KCNJ10: variants seen among roughly 807,000 people sequenced by gnomAD.
KCNJ10 encodes ATP-sensitive inward rectifier potassium channel 10.
Under a neutral mutation model 22.2 loss-of-function variants are expected in KCNJ10, and 9 were observed. The observed-to-expected ratio is 0.40, with a 90% CI of 0.24 to 0.71. The LOEUF (loss-of-function observed/expected upper bound fraction) is 0.71, where lower values mean the gene tolerates loss of function less well. Among genes scored for constraint, KCNJ10 ranks in the 30% least tolerant of loss-of-function variants. The pLI is 0.35. For synonymous variants in KCNJ10, 184 were observed against 187.3 expected (o/e 0.98, Z 0.15); for missense variants, 337 against 482.7 (o/e 0.70, Z 2.83).
chr1:160,067,654 G>T (rs1649351564), intron 1 of KCNJ10, among the ~76,000 whole-genome samples: 1 of 152,122 alleles, frequency 6.6e-6, no homozygotes, highest in African/African-American at 2.4e-5. Flanking sequence ...GAGAGTGGAG[G>T]TTTTTTTCTT....
At chr1:160,055,243 A>G (rs1649000293) in intron 1 of KCNJ10, among the ~76,000 whole-genome samples, 1 of 152,230 alleles carries the variant, frequency 6.6e-6, no homozygotes. Flanking sequence ...TCTACAAAAC[A>G]CTTGTATAAA....
rs372774976 is a variant in KCNJ10, at chr1:160,041,396, G to C, written c.1137C>G (p.Val379=). 4.4e-5 allele frequency: 71 copies of C among 1,612,110 alleles called. No homozygotes were observed. In the East Asian group the frequency reaches 8.2e-4, roughly 19 times the overall value. ...GSALSVRISN[V] ...ATGGGGGAGTGGGAACAGGTCATCA[G>C]ACATTGCTGATGCGCACACTAAGGG... is the stretch of plus-strand genomic sequence containing the variant. The change falls in exon 2 of 2, where the codon GTC becomes GTG. Residue 379 remains valine (V), a synonymous_variant. Coordinates refer to ENST00000644903, the MANE Select transcript of KCNJ10 (RefSeq NM_002241.5). The surrounding 1 kb of genome is among the most constrained non-coding windows in gnomAD (Gnocchi z 4.4).
intron 1 of KCNJ10, among the ~76,000 whole-genome samples, chr1:160,068,967 G>A (rs1161946349): frequency 6.6e-5 from 10 of 152,134 alleles, no homozygotes; most frequent in Non-Finnish European, 1.5e-4. Flanking sequence ...CAGTCCCAGT[G>A]GGGAGAAAAA....
At chr1:160,068,182 T>A (rs1413627137) in intron 1 of KCNJ10, 3 of 152,062 alleles carry the variant, frequency 2.0e-5, no homozygotes, top group African/African-American at 7.3e-5. Flanking sequence ...TTGGGGAAGA[T>A]GGATTTATTT....
At chr1:160,050,100 T>A (rs1648865650) in intron 1 of KCNJ10, among the ~76,000 whole-genome samples, 1 of 152,122 alleles carries the variant, frequency 6.6e-6, no homozygotes, top group Non-Finnish European at 1.5e-5. Context: ...CCACATTCAG[T>A]ATGAGCTGTG....
rs1334999114 is a variant in KCNJ10, at chr1:160,040,051, C to T, written c.*1342G>A. On this transcript the variant is annotated 3_prime_UTR_variant, in exon 2 of 2. Transcript: ENST00000644903. The stretch of plus-strand genomic sequence containing the variant: ...AGAGTAGAGATGACACTGATTTCTT[C>T]ATTTTATACCAAGTCTCAGGAATGG... The T allele has an allele frequency of 6.5e-6, 1 of 152,844 alleles. No homozygotes were observed. Among genetic ancestry groups the T allele is most frequent in the Non-Finnish European group, 1.5e-5 (1 of 68,478 alleles). The allele number at this position is 152,844 out of a possible 1,614,324, so 9.5% of individuals were successfully genotyped here.
chr1:160,042,281 C>A lies in KCNJ10; in HGVS notation c.252G>T (p.Val84=). The part of the protein sequence containing the change: ...TFAGTWFLFG[V]VWYLVAVAHG... ...GTGCCACAGCTACCAGATACCACAC[C>A]ACGCCAAAGAGGAACCATGTGCCTG... Residue 84 remains valine (V), a synonymous_variant, in exon 2 of 2, where the codon GTG becomes GTT. Coordinates refer to ENST00000644903, the MANE Select transcript of KCNJ10 (RefSeq NM_002241.5). 6.2e-7 allele frequency: 1 copy of A among 1,614,058 alleles called. No homozygotes were observed. Among genetic ancestry groups the A allele is most frequent in the Non-Finnish European group, 8.5e-7 (1 of 1,179,950 alleles).
chr1:160,042,630 T>C (rs751148485), intron 1 of KCNJ10, 98 bp from the exon 2 acceptor site: 11 of 1,060,678 alleles, frequency 1.0e-5, no homozygotes, highest in Non-Finnish European at 1.6e-5. Flanking sequence ...TTCATTTGAA[T>C]GTCGCTTATG....
rs1310468878 is a variant in KCNJ10, at chr1:160,041,107, T to C, written c.*286A>G. On this transcript the variant is annotated 3_prime_UTR_variant, in exon 2 of 2. Transcript: ENST00000644903. The surrounding 1 kb of genome is among the most constrained non-coding windows in gnomAD (Gnocchi z 4.4). Reference sequence around the variant, plus strand: ...TCCTCCTAATGTGAGTATCCAAGCATGGCTGAGGCCTTCTAAGCCACTTCA... The same window carrying C: ...TCCTCCTAATGTGAGTATCCAAGCACGGCTGAGGCCTTCTAAGCCACTTCA... 1 of 494,514 alleles carries C rather than the reference T, an allele frequency of 2.0e-6. No homozygotes were observed. Among genetic ancestry groups the C allele is most frequent in the Non-Finnish European group, 3.7e-6 (1 of 270,440 alleles). The allele number at this position is 494,514 out of a possible 1,614,324, so 30.6% of individuals were successfully genotyped here. A position where few individuals can be genotyped will look rare whatever the true frequency, so the allele number is the denominator to read the frequency against.
intron 1 of KCNJ10, among the ~76,000 whole-genome samples, chr1:160,067,590 G>A: frequency 6.6e-6 from 1 of 152,178 alleles, no homozygotes. Flanking sequence ...CCTCAGCCTG[G>A]ACAGTAGCAC....
At chr1:160,049,677 A>ATTTT (rs72451655) in intron 1 of KCNJ10, among the ~76,000 whole-genome samples, 62 of 31,596 alleles carry the variant, frequency 2.0e-3, no homozygotes, top group Non-Finnish European at 3.0e-3. Context: ...TTATTTATTT[A>ATTTT]TATATATATA....
intron 1 of KCNJ10, among the ~76,000 whole-genome samples, chr1:160,049,683 A>ATATATATATATATATATT (rs1648843359): frequency 1.1e-5 from 1 of 88,238 alleles, no homozygotes; most frequent in Admixed American, 1.1e-4. Flanking sequence ...ATTTATATAT[A>ATATATATATATATATATT]TATATATATA....
In KCNJ10 at chr1:160,040,586, ATCT is replaced by A. The variant is rs1295456934; in HGVS notation, c.*804_*806del. 2.5e-6 allele frequency: 1 copy of A among 398,576 alleles called. No individual in the cohort carries two copies. Among genetic ancestry groups the A allele is most frequent in the African/African-American group, 2.1e-5 (1 of 48,626 alleles). The allele number at this position is 398,576 out of a possible 1,614,324, so 24.7% of individuals were successfully genotyped here. ...CCATTCACAGGACACAGGGAAACAGATCTTCTCTGGGCTGCCTGGAAGATAGGT... is the reference window on the plus strand; with the variant it reads ...CCATTCACAGGACACAGGGAAACAGATCTCTGGGCTGCCTGGAAGATAGGT... On this transcript the variant is annotated 3_prime_UTR_variant, in exon 2 of 2. Transcript: ENST00000644903.
At chr1:160,058,309 A>G (rs1193080711) in intron 1 of KCNJ10, among the ~76,000 whole-genome samples, 1 of 152,170 alleles carries the variant, frequency 6.6e-6, no homozygotes, top group Non-Finnish European at 1.5e-5. Flanking sequence ...GGCTGTGCTC[A>G]GCCCCACCCT....
chr1:160,063,350 G>A (rs1292722906), intron 1 of KCNJ10: 1 of 152,430 alleles, frequency 6.6e-6, no homozygotes, highest in Non-Finnish European at 1.5e-5. Context: ...TGAGAAGCAG[G>A]GTTGCCCAAT....
chr1:160,065,112 C>G (rs1649289702), intron 1 of KCNJ10: 1 of 152,064 alleles, frequency 6.6e-6, no homozygotes, highest in Non-Finnish European at 1.5e-5. Flanking sequence ...GCTTAGAAGA[C>G]TATAAATTGG....
At chr1:160,061,893 G>A (rs1649205315) in intron 1 of KCNJ10, among the ~76,000 whole-genome samples, 1 of 151,974 alleles carries the variant, frequency 6.6e-6, no homozygotes, top group African/African-American at 2.4e-5. Context: ...GCCGTGTGTG[G>A]GGCCGCATAG....
rs1031107325 is a variant in KCNJ10, at chr1:160,041,034, A to C, written c.*359T>G. The C allele has an allele frequency of 1.4e-5, 5 of 362,172 alleles. No individual in the cohort carries two copies. The highest frequency in any genetic ancestry group is 1.0e-4 in the African/African-American group (5 of 49,294). The allele number at this position is 362,172 out of a possible 1,614,324, so 22.4% of individuals were successfully genotyped here. ...CTCCAGCCTCAAGTCACCAAACTTC[A>C]TGGTGGTGGTGGGAGGTAGGGGGCA... is the stretch of plus-strand genomic sequence containing the variant. On this transcript the variant is annotated 3_prime_UTR_variant, in exon 2 of 2. Transcript: ENST00000644903. This position sits in a 1 kb window ranked among gnomAD's most constrained non-coding sequence, Gnocchi z 4.4.
chr1:160,058,758 T>C (rs1649108347), intron 1 of KCNJ10, among the ~76,000 whole-genome samples: 1 of 152,140 alleles, frequency 6.6e-6, no homozygotes, highest in Non-Finnish European at 1.5e-5. Context: ...TCTCTATCTG[T>C]ACCCACCCAC....
Sources: gnomAD v4.1 joint callset for allele counts (sites outside exome capture counted in the v4.1 genomes callset) on GRCh38, gnomAD v4.1.1 for gene constraint, Gnocchi (gnomAD v3.1) non-coding constraint, MANE v1.5 for transcripts, NCBI Gene and HGNC (gene_info 2026-07-23, HGNC 2026-07-21) for gene names.